SGMS1: variants seen among roughly 807,000 people sequenced by gnomAD.
SGMS1 encodes the protein phosphatidylcholine:ceramide cholinephosphotransferase 1.
A neutral mutation model predicts 46.2 loss-of-function variants in SGMS1; 13 were observed. That is an observed-to-expected ratio of 0.28 (90% CI 0.18 to 0.45). SGMS1 has a LOEUF of 0.45. SGMS1 is among the 20% of genes least tolerant of loss of function. The pLI is 1.00. For synonymous variants in SGMS1, 203 were observed against 187.8 expected (o/e 1.08, Z -0.66); for missense variants, 324 against 519.9 (o/e 0.62, Z 3.66).
intron 2 of SGMS1, among the ~76,000 whole-genome samples, chr10:50,537,667 T>G (rs2133813486): frequency 6.6e-6 from 1 of 151,184 alleles, no homozygotes; most frequent in Admixed American, 6.6e-5. Context: ...CCATCCTGTT[T>G]CTTTTTGTGA....
intron 6 of SGMS1, among the ~76,000 whole-genome samples, chr10:50,411,811 T>G (rs891909243): frequency 2.0e-5 from 3 of 152,208 alleles, no homozygotes; most frequent in Non-Finnish European, 4.4e-5. Context: ...CCAGGTTTCT[T>G]TGCCAATACT....
At chr10:50,325,502 T>C (rs970752404) in intron 8 of SGMS1, among the ~76,000 whole-genome samples, 1 of 152,204 alleles carries the variant, frequency 6.6e-6, no homozygotes, top group Non-Finnish European at 1.5e-5. Context: ...AGTTTGGCTT[T>C]TGTGAACAGT....
chr10:50,377,897 T>C (rs539429396), intron 6 of SGMS1, among the ~76,000 whole-genome samples: 2 of 152,316 alleles, frequency 1.3e-5, no homozygotes, highest in African/African-American at 2.4e-5. Context: ...CTTCCCTTCA[T>C]GTCAAATCTC....
chr10:50,490,819 T>C (rs1445864743), intron 3 of SGMS1, among the ~76,000 whole-genome samples: 1 of 152,192 alleles, frequency 6.6e-6, no homozygotes, highest in East Asian at 1.9e-4. Flanking sequence ...AATATCAGTG[T>C]AGACGTAATT....
chr10:50,433,846 G>A (rs961630182), intron 5 of SGMS1, among the ~76,000 whole-genome samples: 1 of 152,012 alleles, frequency 6.6e-6, no homozygotes, highest in Non-Finnish European at 1.5e-5. Context: ...TTTCCCAGGC[G>A]GCAACAGTAT....
intron 3 of SGMS1, among the ~76,000 whole-genome samples, chr10:50,468,177 T>C (rs536460292): frequency 2.0e-5 from 3 of 152,326 alleles, no homozygotes; most frequent in East Asian, 1.9e-4. Context: ...CTATCCCCAG[T>C]TGACAGATAC....
intron 5 of SGMS1, among the ~76,000 whole-genome samples, chr10:50,435,667 T>C (rs1849465380): frequency 6.6e-6 from 1 of 152,204 alleles, no homozygotes; most frequent in South Asian, 2.1e-4. Context: ...CTTCCATTAG[T>C]GCTAATTCTT....
intron 2 of SGMS1, among the ~76,000 whole-genome samples, chr10:50,529,611 G>A (rs1220979305): frequency 1.3e-5 from 2 of 152,118 alleles, no homozygotes; most frequent in Admixed American, 6.5e-5. Flanking sequence ...GGTGAAAAAT[G>A]CCTCCCTATT....
chr10:50,506,818 G>A (rs1006542555), intron 3 of SGMS1, among the ~76,000 whole-genome samples: 2 of 152,150 alleles, frequency 1.3e-5, no homozygotes, highest in Non-Finnish European at 2.9e-5. Flanking sequence ...CCCTTCCCAG[G>A]TGCCAGGTAC....
intron 2 of SGMS1, among the ~76,000 whole-genome samples, chr10:50,534,400 C>T (rs554694395): frequency 9.2e-5 from 14 of 152,236 alleles, no homozygotes; most frequent in South Asian, 2.1e-4. Context: ...ATTGAACCAA[C>T]GCAATATTTT....
intron 2 of SGMS1, among the ~76,000 whole-genome samples, chr10:50,523,918 C>T (rs1411035533): frequency 6.6e-6 from 1 of 152,274 alleles, no homozygotes; most frequent in Non-Finnish European, 1.5e-5. Flanking sequence ...CGCACACACA[C>T]ACGCAGCATT....
chr10:50,402,362 G>A (rs566445781), intron 6 of SGMS1, among the ~76,000 whole-genome samples: 1 of 152,120 alleles, frequency 6.6e-6, no homozygotes, highest in African/African-American at 2.4e-5. Flanking sequence ...CAAATTAATG[G>A]AGTCAATTGC....
intron 6 of SGMS1, among the ~76,000 whole-genome samples, chr10:50,378,680 C>T (rs942097689): frequency 1.8e-4 from 28 of 152,140 alleles, no homozygotes; most frequent in Non-Finnish European, 4.4e-5. Context: ...ACAGAATAGG[C>T]TTTGAAAAAA....
At chr10:50,443,355 C>T (rs1849568970) in intron 5 of SGMS1, among the ~76,000 whole-genome samples, 1 of 151,784 alleles carries the variant, frequency 6.6e-6, no homozygotes, top group Admixed American at 6.6e-5. Context: ...AGAACACTAA[C>T]CATGAAAACC....
chr10:50,426,039 A>T (rs1399668482), intron 6 of SGMS1, among the ~76,000 whole-genome samples: 1 of 152,254 alleles, frequency 6.6e-6, no homozygotes, highest in East Asian at 1.9e-4. Context: ...ATTAAAATAG[A>T]TATGATATCA....
chr10:50,561,399 A>G (rs1261101569), intron 2 of SGMS1, among the ~76,000 whole-genome samples: 2 of 152,378 alleles, frequency 1.3e-5, no homozygotes, highest in East Asian at 3.9e-4. Context: ...ATCTGGGTCC[A>G]GAGCTCAGTC....
intron 6 of SGMS1, among the ~76,000 whole-genome samples, chr10:50,355,422 G>A (rs757606097): frequency 3.9e-5 from 6 of 152,146 alleles, no homozygotes; most frequent in South Asian, 2.1e-4. Context: ...TTGCAGGCGC[G>A]CGCCACCACG....
intron 5 of SGMS1, among the ~76,000 whole-genome samples, chr10:50,458,570 A>T (rs1837225796): frequency 6.6e-6 from 1 of 151,576 alleles, no homozygotes; most frequent in African/African-American, 2.4e-5. Context: ...CGTGTTAGCC[A>T]TGATGGTCTC....
Position 50,341,586 on chromosome 10 carries a change from T to C in SGMS1, c.623+1906A>G, listed in dbSNP as rs145519342. On this transcript the variant is annotated intron_variant, in intron 7 of 10. Coordinates refer to ENST00000361781, the MANE Select transcript of SGMS1 (RefSeq NM_147156.4). Reference sequence around the variant, plus strand: ...TTGTATATATATATGACAACAGAAATCATCTAGACTGAGACGTCATTATTC... The same window carrying C: ...TTGTATATATATATGACAACAGAAACCATCTAGACTGAGACGTCATTATTC... Among the ~76,000 whole-genome samples the C allele has an allele frequency of 4.5e-3, 679 of 152,204 alleles. 3 individuals carry two copies. Among genetic ancestry groups the C allele is most frequent in the South Asian group, 0.021 (103 of 4,822 alleles).
Sources: gnomAD v4.1 joint callset for allele counts (sites outside exome capture counted in the v4.1 genomes callset) on GRCh38, gnomAD v4.1.1 for gene constraint, MANE v1.5 for transcripts, NCBI Gene and HGNC (gene_info 2026-07-23, HGNC 2026-07-21) for gene names.